Variants in CCDC146 observed in about 807,000 individuals in gnomAD.
The protein encoded by CCDC146 is coiled-coil domain containing 146.
CCDC146 carries 92 observed loss-of-function variants against 119.3 expected under a neutral mutation model. That is an observed-to-expected ratio of 0.77 (90% CI 0.65 to 0.92). The LOEUF is 0.92. CCDC146 is among the 40% of genes least tolerant of loss of function. CCDC146 has a pLI of 0.00. For synonymous variants in CCDC146, 372 were observed against 371.8 expected (o/e 1.00, Z -0.01); for missense variants, 1,000 against 1,103.0 (o/e 0.91, Z 1.32).
intron 2 of CCDC146, among the ~76,000 whole-genome samples, chr7:77,215,998 C>G (rs1490837249): frequency 6.6e-6 from 1 of 151,700 alleles, no homozygotes; most frequent in Non-Finnish European, 1.5e-5. Context: ...TATCCCTAAC[C>G]CCCCCACCTT....
chr7:77,177,983 G>A (rs71555988), intron 2 of CCDC146, among the ~76,000 whole-genome samples: 18,335 of 152,070 alleles, frequency 0.12, 1,285 homozygotes, highest in Middle Eastern at 0.17. Context: ...CAGTATGGAA[G>A]AAGACCTTGT....
Position 77,145,024 on chromosome 7 carries a change from T to C in CCDC146, c.-12+22292T>C, listed in dbSNP as rs186307131. On this transcript the variant is annotated intron_variant, in intron 1 of 18. Transcript: ENST00000285871. ...GCTCCTCCTAGTACCTCTGGTAGAATTCGGCTGTGAATCCGTCTGGTCCTG... is the reference window on the plus strand; with the variant it reads ...GCTCCTCCTAGTACCTCTGGTAGAACTCGGCTGTGAATCCGTCTGGTCCTG... Among the ~76,000 whole-genome samples the C allele has an allele frequency of 3.7e-3, 569 of 151,936 alleles. 22 individuals are homozygous for C. The highest frequency in any genetic ancestry group is 0.014 in the African/African-American group (559 of 41,196).
At chr7:77,291,797 C>G (rs17151202) in intron 17 of CCDC146, among the ~76,000 whole-genome samples, 1 of 152,214 alleles carries the variant, frequency 6.6e-6, no homozygotes, top group African/African-American at 2.4e-5. Context: ...ATGCATGTTT[C>G]TGACCTAGTA....
intron 2 of CCDC146, among the ~76,000 whole-genome samples, chr7:77,191,411 C>G (rs576318018): frequency 2.0e-5 from 3 of 152,302 alleles, no homozygotes; most frequent in African/African-American, 7.2e-5. Flanking sequence ...ACAACTCTTT[C>G]TCTGTGGCAA....
Position 77,224,731 on chromosome 7 carries a change from G to A in CCDC146, c.157-12216G>A, listed in dbSNP as rs79142324. ...AGACCCTTGTACACCATGTTGAGGA[G>A]CCTAGACTTAATTCTGAAGGTGATG... On this transcript the variant is annotated intron_variant, in intron 2 of 18. Transcript: ENST00000285871. 2.3e-3 allele frequency among the ~76,000 whole-genome samples: 357 copies of A among 152,282 alleles called. 14 individuals are homozygous for A. The East Asian group carries it at 0.063, about 27-fold the overall frequency.
intron 2 of CCDC146, among the ~76,000 whole-genome samples, chr7:77,220,150 A>G (rs1355423783): frequency 2.0e-5 from 3 of 152,186 alleles, no homozygotes; most frequent in South Asian, 2.1e-4. Context: ...ACTGCATAAG[A>G]CAGACACTCC....
At chr7:77,175,312 A>G (rs1348887291) in intron 2 of CCDC146, among the ~76,000 whole-genome samples, 2 of 149,960 alleles carry the variant, frequency 1.3e-5, no homozygotes, top group Non-Finnish European at 2.9e-5. Context: ...TATTGTTCCA[A>G]TCATTGTTAA....
chr7:77,239,499 C>G (rs999432260), intron 3 of CCDC146, among the ~76,000 whole-genome samples: 2 of 152,216 alleles, frequency 1.3e-5, no homozygotes, highest in African/African-American at 4.8e-5. Flanking sequence ...ATGGATGTAT[C>G]TGTACTGAAT....
intron 1 of CCDC146, among the ~76,000 whole-genome samples, chr7:77,133,898 G>A (rs1297496498): frequency 6.6e-6 from 1 of 151,638 alleles, no homozygotes; most frequent in Non-Finnish European, 1.5e-5. Flanking sequence ...ATTAATGACA[G>A]CAATGATATA....
intron 2 of CCDC146, among the ~76,000 whole-genome samples, chr7:77,212,472 A>AG (rs1792203644): frequency 6.6e-6 from 1 of 151,686 alleles, no homozygotes; most frequent in Admixed American, 6.6e-5. Context: ...ATACAAAAAA[A>AG]CAGCCGAGTG....
At chr7:77,248,747 A>G (rs971862901) in intron 4 of CCDC146, among the ~76,000 whole-genome samples, 8 of 152,240 alleles carry the variant, frequency 5.3e-5, no homozygotes, top group Non-Finnish European at 7.3e-5. Flanking sequence ...ATTATATCGA[A>G]CTCATTTTGT....
chr7:77,164,440 C>A (rs912738662), intron 1 of CCDC146, among the ~76,000 whole-genome samples: 10 of 152,012 alleles, frequency 6.6e-5, no homozygotes, highest in African/African-American at 2.4e-4. Context: ...TTGAAAAAAG[C>A]AAACATGTGT....
chr7:77,208,390 T>C (rs1189419776), intron 2 of CCDC146, among the ~76,000 whole-genome samples: 1 of 151,938 alleles, frequency 6.6e-6, no homozygotes, highest in African/African-American at 2.4e-5. Flanking sequence ...GTATAGCCTA[T>C]TGCTCCTAGG....
chr7:77,145,334 G>C (rs902715720), intron 1 of CCDC146, among the ~76,000 whole-genome samples: 1 of 151,492 alleles, frequency 6.6e-6, no homozygotes, highest in Non-Finnish European at 1.5e-5. Flanking sequence ...CTTGCTAGTG[G>C]TCTATCAATT....
At chr7:77,200,152 A>G (rs1419717609) in intron 2 of CCDC146, among the ~76,000 whole-genome samples, 2 of 152,244 alleles carry the variant, frequency 1.3e-5, no homozygotes, top group Non-Finnish European at 2.9e-5. Flanking sequence ...CTGGAAAAAC[A>G]GTTTTTAAAG....
At chr7:77,135,560 A>G (rs1019646734) in intron 1 of CCDC146, among the ~76,000 whole-genome samples, 2 of 152,154 alleles carry the variant, frequency 1.3e-5, no homozygotes, top group South Asian at 2.1e-4. Flanking sequence ...TTCCATAGGA[A>G]CTTGTTTATA....
At chr7:77,231,665 A>T (rs1792630558) in intron 2 of CCDC146, among the ~76,000 whole-genome samples, 1 of 152,010 alleles carries the variant, frequency 6.6e-6, no homozygotes. Context: ...TCTTACTGAC[A>T]ATCTCTATTT....
At chr7:77,230,919 C>G (rs1792614739) in intron 2 of CCDC146, among the ~76,000 whole-genome samples, 1 of 152,158 alleles carries the variant, frequency 6.6e-6, no homozygotes, top group African/African-American at 2.4e-5. Flanking sequence ...AAATTATATA[C>G]AGTAGTCCCC....
intron 2 of CCDC146, chr7:77,195,172 C>A (rs1256582379): frequency 6.6e-6 from 1 of 151,624 alleles, no homozygotes; most frequent in Non-Finnish European, 1.5e-5. Context: ...ACCCACCCCC[C>A]CCAAAAAAAC....
Sources: allele counts gnomAD v4.1 joint callset (sites outside exome capture counted in the v4.1 genomes callset), GRCh38; gene constraint gnomAD v4.1.1; transcripts MANE v1.5; gene names NCBI Gene and HGNC (gene_info 2026-07-23, HGNC 2026-07-21).